SPATS2: variants seen among roughly 807,000 people sequenced by gnomAD.
The protein encoded by SPATS2 is spermatogenesis associated serine rich 2, also known as spermatogenesis-associated serine-rich protein 2.
Under a neutral mutation model 63.7 loss-of-function variants are expected in SPATS2, and 38 were observed. The ratio of observed to expected loss-of-function variants is 0.60; its 90% CI spans 0.46 to 0.78. SPATS2 has a LOEUF of 0.78. Ranked by LOEUF, SPATS2 falls within the 30% of genes least tolerant of loss-of-function variation. The probability of loss-of-function intolerance (pLI) is 0.00; values close to 1 mark genes in which losing one functional copy is unlikely to be tolerated. For missense variants in SPATS2, 588 were observed against 666.2 expected (o/e 0.88, Z 1.29); for synonymous variants, 207 against 232.9 (o/e 0.89, Z 1.01).
At chr12:49,369,248 C>T (rs1943958367) in intron 1 of SPATS2, among the ~76,000 whole-genome samples, 1 of 151,940 alleles carries the variant, frequency 6.6e-6, no homozygotes, top group African/African-American at 2.4e-5. Context: ...AGGCTGGTCT[C>T]GAACTCTTGA....
At chr12:49,427,295 A>C (rs551556857) in intron 2 of SPATS2, among the ~76,000 whole-genome samples, 1 of 152,192 alleles carries the variant, frequency 6.6e-6, no homozygotes, top group African/African-American at 2.4e-5. Flanking sequence ...ATTAAAAAAG[A>C]ATCTTATGTT....
chr12:49,515,994 G>T (rs1454504614), intron 10 of SPATS2, among the ~76,000 whole-genome samples: 2 of 151,080 alleles, frequency 1.3e-5, no homozygotes, highest in Non-Finnish European at 3.0e-5. Context: ...ACAAAAATTA[G>T]CTGGGCATGG....
intron 7 of SPATS2, among the ~76,000 whole-genome samples, chr12:49,495,993 G>A (rs1946457272): frequency 6.6e-6 from 1 of 152,096 alleles, no homozygotes; most frequent in Non-Finnish European, 1.5e-5. Flanking sequence ...TAAGATACTG[G>A]AAATTTCTCT....
In SPATS2 at chr12:49,497,016, C is replaced by CA. The variant is rs767010083; in HGVS notation, c.703+8dup. ...GCCACCAGTAAAAAGCTAAGTAAGT[C>CA]AGAGGCCCACCTGTGAGAGAAAATG... On this transcript the variant is annotated splice_region_variant and intron_variant, in intron 8 of 13. Coordinates refer to ENST00000552918, the MANE Select transcript of SPATS2 (RefSeq NM_023071.4). The CA allele has an allele frequency of 4.5e-5, 69 of 1,521,654 alleles. No individual in the cohort carries two copies. Among genetic ancestry groups the CA allele is most frequent in the Non-Finnish European group, 5.4e-5 (62 of 1,137,888 alleles). 94.3% of individuals were successfully genotyped at this position (1,521,654 alleles called of 1,614,324 possible).
intron 3 of SPATS2, among the ~76,000 whole-genome samples, chr12:49,476,476 C>T (rs1394689278): frequency 6.6e-6 from 1 of 152,108 alleles, no homozygotes; most frequent in African/African-American, 2.4e-5. Flanking sequence ...TACAGAAATC[C>T]CTCTGTCCCT....
intron 4 of SPATS2, chr12:49,486,497 C>CA: frequency 3.8e-6 from 1 of 263,242 alleles, no homozygotes; most frequent in South Asian, 3.6e-5. Context: ...CCGCATCCAG[C>CA]AGAGTCTGTA....
At chr12:49,469,887 C>CA (rs112020645) in intron 3 of SPATS2, among the ~76,000 whole-genome samples, 61 of 144,434 alleles carry the variant, frequency 4.2e-4, no homozygotes, top group African/African-American at 1.1e-3. Flanking sequence ...GATTCTGTCT[C>CA]AAAAAAAAAA....
intron 3 of SPATS2, among the ~76,000 whole-genome samples, chr12:49,468,071 CT>C (rs1482050537): frequency 2.6e-5 from 4 of 151,416 alleles, no homozygotes; most frequent in East Asian, 1.9e-4. Flanking sequence ...TTTCTCTTTT[CT>C]TTTCTCTCTT....
chr12:49,404,781 G>C (rs1944666058), intron 2 of SPATS2, among the ~76,000 whole-genome samples: 1 of 152,114 alleles, frequency 6.6e-6, no homozygotes, highest in Non-Finnish European at 1.5e-5. Context: ...CTATGTACCA[G>C]GGGTTGGTAA....
At chr12:49,399,581 T>C (rs1724589843) in intron 2 of SPATS2, among the ~76,000 whole-genome samples, 1 of 152,218 alleles carries the variant, frequency 6.6e-6, no homozygotes, top group Admixed American at 6.5e-5. Flanking sequence ...GAATTTAAAC[T>C]GGTTCTAGGT....
chr12:49,451,037 A>AT (rs1945614586), intron 2 of SPATS2, among the ~76,000 whole-genome samples: 1 of 149,244 alleles, frequency 6.7e-6, no homozygotes, highest in African/African-American at 2.5e-5. Flanking sequence ...CCCAGCTAAT[A>AT]TTTTTTGTAT....
At chr12:49,455,179 T>G (rs1229701929) in intron 2 of SPATS2, among the ~76,000 whole-genome samples, 1 of 152,162 alleles carries the variant, frequency 6.6e-6, no homozygotes, top group African/African-American at 2.4e-5. Context: ...TAGCGATTGG[T>G]TAAAGGTTGT....
At chr12:49,490,534 C>A in intron 5 of SPATS2, 148 bp from the exon 6 acceptor site, 1 of 687,082 alleles carries the variant, frequency 1.5e-6, no homozygotes, top group Non-Finnish European at 2.5e-6. Flanking sequence ...TATCTCATTA[C>A]ATTACTTTAG....
chr12:49,512,784 T>G, intron 9 of SPATS2: 1 of 1,018,024 alleles, frequency 9.8e-7, no homozygotes, highest in Non-Finnish European at 1.3e-6. Flanking sequence ...TAAGGTGATT[T>G]GGCAACATAA....
intron 8 of SPATS2, among the ~76,000 whole-genome samples, chr12:49,498,081 G>A (rs1377016585): frequency 6.9e-6 from 1 of 144,510 alleles, no homozygotes; most frequent in Non-Finnish European, 1.5e-5. Flanking sequence ...CATTGTTCTG[G>A]TAGCCCTCAG....
chr12:49,472,096 C>T lies in SPATS2; in HGVS notation c.25+11059C>T, dbSNP rs186792800. ...GAGTCTATAGTGAGCCAAGGTTGCG[C>T]CAGTGCACTCCAGCGTGGGTGACAG... On this transcript the variant is annotated intron_variant, in intron 3 of 13. Transcript: ENST00000552918. Among the ~76,000 whole-genome samples, 273 of 152,092 alleles carry T rather than the reference C, an allele frequency of 1.8e-3. 2 individuals carry two copies. The highest frequency in any genetic ancestry group is 6.3e-3 in the African/African-American group (262 of 41,468).
intron 9 of SPATS2, among the ~76,000 whole-genome samples, chr12:49,506,180 T>C (rs1946651209): frequency 6.6e-6 from 1 of 152,198 alleles, no homozygotes; most frequent in Non-Finnish European, 1.5e-5. Context: ...GTTCAATAGG[T>C]TAGGTATATT....
chr12:49,516,030 C>G (rs1393497829), intron 10 of SPATS2, among the ~76,000 whole-genome samples: 1 of 147,270 alleles, frequency 6.8e-6, no homozygotes, highest in Non-Finnish European at 1.5e-5. Context: ...GTCCCAGCTA[C>G]TCGGGAGGCT....
chr12:49,432,620 A>G (rs1345467876), intron 2 of SPATS2, among the ~76,000 whole-genome samples: 1 of 152,032 alleles, frequency 6.6e-6, no homozygotes, highest in Non-Finnish European at 1.5e-5. Flanking sequence ...CCACCATTCT[A>G]CTTTCTGTTT....
Sources: gnomAD v4.1 joint callset for allele counts (sites outside exome capture counted in the v4.1 genomes callset) on GRCh38, gnomAD v4.1.1 for gene constraint, MANE v1.5 for transcripts, NCBI Gene and HGNC (gene_info 2026-07-23, HGNC 2026-07-21) for gene names.